CPM: variants seen among roughly 807,000 people sequenced by gnomAD.
The protein encoded by CPM is carboxypeptidase M, also known as renal carboxypeptidase.
CPM carries 35 observed loss-of-function variants against 46.4 expected under a neutral mutation model. That is an observed-to-expected ratio of 0.75 (90% CI 0.58 to 1.00). CPM has a LOEUF of 1.00. Ranked by LOEUF, CPM falls within the 50% of genes least tolerant of loss-of-function variation. The probability of loss-of-function intolerance (pLI) is 0.00; values close to 1 mark genes in which losing one functional copy is unlikely to be tolerated. For missense variants in CPM, 422 were observed against 530.4 expected (o/e 0.80, Z 2.01); for synonymous variants, 195 against 195.3 (o/e 1.00, Z 0.01).
At chr12:68,857,450 C>T (rs1348008031) in intron 8 of CPM, among the ~76,000 whole-genome samples, 1 of 152,144 alleles carries the variant, frequency 6.6e-6, no homozygotes, top group African/African-American at 2.4e-5. Flanking sequence ...AGTCATGAGC[C>T]ACCACATCCA....
chr12:68,957,366 C>T (rs1163023644), intron 1 of CPM: 2 of 218,802 alleles, frequency 9.1e-6, no homozygotes, highest in East Asian at 2.2e-4. Flanking sequence ...TCTGGTGATT[C>T]TTTATTCAGC....
intron 2 of CPM, among the ~76,000 whole-genome samples, chr12:68,919,080 A>G (rs1424724261): frequency 1.3e-5 from 2 of 152,194 alleles, no homozygotes; most frequent in Non-Finnish European, 2.9e-5. Context: ...GCCTTTGCAC[A>G]TCACTTGCAC....
At chr12:68,849,441 GTCTC>G (rs1232144780), downstream of CPM, 1 of 145,376 alleles carries the variant, frequency 6.9e-6, no homozygotes, top group Non-Finnish European at 1.5e-5. Context: ...TTTTGAGACA[GTCTC>G]TCACTCCAGG....
chr12:68,959,924 C>T (rs1889084667), intron 1 of CPM, among the ~76,000 whole-genome samples: 1 of 152,214 alleles, frequency 6.6e-6, no homozygotes, highest in Non-Finnish European at 1.5e-5. Context: ...AATCGGTTAG[C>T]TTCAGGGTTT....
chr12:68,908,396 CTTT>C (rs552096776), intron 2 of CPM, among the ~76,000 whole-genome samples: 1 of 140,892 alleles, frequency 7.1e-6, no homozygotes, highest in Non-Finnish European at 1.5e-5. Context: ...CAGGACACAG[CTTT>C]TTTTTTTTTT....
chr12:68,856,333 T>C lies in CPM; in HGVS notation c.*104A>G. The C allele has an allele frequency of 7.9e-7, 1 of 1,267,876 alleles. No individual in the cohort carries two copies. The highest frequency in any genetic ancestry group is 1.1e-6 in the Non-Finnish European group (1 of 909,998). 78.5% of individuals were successfully genotyped at this position (1,267,876 alleles called of 1,614,324 possible). On this transcript the variant is annotated 3_prime_UTR_variant, in exon 9 of 9. Coordinates refer to ENST00000551568, the MANE Select transcript of CPM (RefSeq NM_198320.5). ...TCTCTTCTTCAGGAAGATCGTGGAG[T>C]TTCTCCAGTCAAGGTCCCACTAGAG...
intron 1 of CPM, among the ~76,000 whole-genome samples, chr12:68,956,460 C>T (rs1481067163): frequency 6.6e-6 from 1 of 152,140 alleles, no homozygotes; most frequent in Non-Finnish European, 1.5e-5. Context: ...CACGCCTCCC[C>T]CACTACAGCT....
At chr12:68,938,532 A>C (rs968651616) in intron 1 of CPM, among the ~76,000 whole-genome samples, 7 of 152,188 alleles carry the variant, frequency 4.6e-5, no homozygotes, top group Non-Finnish European at 1.5e-5. Context: ...AAACATTCTC[A>C]GAGCTAAACC....
At chr12:68,949,240 A>G (rs2644685) in intron 1 of CPM, among the ~76,000 whole-genome samples, 99,042 of 151,986 alleles carry the variant, frequency 0.65, 33,465 homozygotes, top group African/African-American at 0.85. Context: ...GCATGGTGGC[A>G]CACACCTGTG....
intron 5 of CPM, chr12:68,842,994 C>G (rs1346276932): frequency 9.4e-6 from 2 of 212,312 alleles, no homozygotes; most frequent in African/African-American, 2.3e-5. Flanking sequence ...ATACTAAGTT[C>G]TAACTTGTCA....
At chr12:68,906,500 T>G (rs910510704) in intron 2 of CPM, among the ~76,000 whole-genome samples, 5 of 152,012 alleles carry the variant, frequency 3.3e-5, no homozygotes, top group Non-Finnish European at 5.9e-5. Context: ...ATTTTGTTTT[T>G]TTTTTGAGAG....
At chr12:68,945,846 C>CTTTTTTTTTTTTTTTTTT (rs1170064808) in intron 1 of CPM, among the ~76,000 whole-genome samples, 156 of 88,464 alleles carry the variant, frequency 1.8e-3, no homozygotes, top group East Asian at 2.5e-3. Context: ...TTCTTTCTTT[C>CTTTTTTTTTTTTTTTTTT]TTTTTTTTTT....
At chr12:68,917,683 G>A (rs1887866564) in intron 2 of CPM, among the ~76,000 whole-genome samples, 1 of 152,138 alleles carries the variant, frequency 6.6e-6, no homozygotes, top group Non-Finnish European at 1.5e-5. Context: ...TGCCCTCAAG[G>A]CAGTGGTCAA....
At chr12:68,856,736 C>A in intron 8 of CPM, 57 bp from the exon 9 acceptor site, 1 of 1,572,164 alleles carries the variant, frequency 6.4e-7, no homozygotes, top group Non-Finnish European at 8.7e-7. Context: ...GTGGTGCCCA[C>A]ACTGAAAACA....
downstream of CPM, chr12:68,848,495 A>G (rs1884482196): frequency 1.3e-5 from 2 of 152,074 alleles, no homozygotes; most frequent in African/African-American, 2.4e-5. Flanking sequence ...TCCCCCCCCA[A>G]ATTATTGTTT....
Position 68,854,693 on chromosome 12 carries a change from T to C in CPM, c.*1744A>G, listed in dbSNP as rs1164188249. The C allele has an allele frequency of 6.6e-6, 1 of 152,198 alleles. No homozygotes were observed. The highest frequency in any genetic ancestry group is 2.4e-5 in the African/African-American group (1 of 41,430). 9.4% of individuals were successfully genotyped at this position (152,198 alleles called of 1,614,324 possible). A position where few individuals can be genotyped will look rare whatever the true frequency, so the allele number is the denominator to read the frequency against. On this transcript the variant is annotated 3_prime_UTR_variant, in exon 9 of 9. Coordinates refer to ENST00000551568, the MANE Select transcript of CPM (RefSeq NM_198320.5). ...ACCAGTTGTTGACTTTTGTTTCAAG[T>C]GGCTCCCCTTCCCCAGTGCTGTGTG...
intron 7 of CPM, among the ~76,000 whole-genome samples, chr12:68,865,562 ATTATGCAG>A (rs1181218293): frequency 6.6e-6 from 1 of 152,102 alleles, no homozygotes; most frequent in Non-Finnish European, 1.5e-5. Context: ...AATTCCGGGA[ATTATGCAG>A]TTATGCAGTA....
At chr12:68,923,073 C>T (rs1888102053) in intron 2 of CPM, among the ~76,000 whole-genome samples, 1 of 151,512 alleles carries the variant, frequency 6.6e-6, no homozygotes, top group African/African-American at 2.4e-5. Context: ...GACTACAGGA[C>T]CAAGCCTAGC....
intron 2 of CPM, 28 bp downstream of exon 2, chr12:68,932,650 G>C: frequency 6.2e-7 from 1 of 1,611,418 alleles, no homozygotes; most frequent in African/African-American, 1.3e-5. Flanking sequence ...CTGAGGGTTT[G>C]GCAAAGTGTT....
Sources: allele counts gnomAD v4.1 joint callset (sites outside exome capture counted in the v4.1 genomes callset), GRCh38; gene constraint gnomAD v4.1.1; transcripts MANE v1.5; gene names NCBI Gene and HGNC (gene_info 2026-07-23, HGNC 2026-07-21).